The following VWA8 variants were observed in gnomAD, a reference collection of about 807,000 sequenced individuals.
VWA8 encodes von Willebrand factor A domain containing 8, also known as von Willebrand factor A domain-containing protein 8.
Under a neutral mutation model 241.5 loss-of-function variants are expected in VWA8, and 221 were observed. The ratio of observed to expected loss-of-function variants is 0.91; its 90% CI spans 0.82 to 1.02. The LOEUF is 1.02. Among genes scored for constraint, VWA8 ranks in the 50% least tolerant of loss-of-function variants. The probability of loss-of-function intolerance (pLI) is 0.00; values close to 1 mark genes in which losing one functional copy is unlikely to be tolerated. For synonymous variants in VWA8, 852 were observed against 827.1 expected (o/e 1.03, Z -0.52); for missense variants, 2,322 against 2,328.7 (o/e 1.00, Z 0.06).
intron 30 of VWA8, among the ~76,000 whole-genome samples, 190 bp from the exon 31 acceptor site, chr13:41,692,128 T>G (rs139599230): frequency 1.1e-3 from 164 of 152,216 alleles, no homozygotes; most frequent in African/African-American, 3.8e-3. Context: ...CAAAATTTAC[T>G]GTGAACTTTG....
chr13:41,643,562 A>T (rs2044810834), intron 37 of VWA8, among the ~76,000 whole-genome samples: 1 of 152,228 alleles, frequency 6.6e-6, no homozygotes, highest in Admixed American at 6.5e-5. Context: ...TTCCACTATT[A>T]ACAGGGCTTA....
chr13:41,660,901 G>T (rs1167580559), intron 37 of VWA8, among the ~76,000 whole-genome samples: 1 of 151,114 alleles, frequency 6.6e-6, no homozygotes, highest in African/African-American at 2.4e-5. Flanking sequence ...TTTTGAGACG[G>T]AGTCTCGCTC....
At chr13:41,615,914 C>A (rs541445485) in intron 37 of VWA8, among the ~76,000 whole-genome samples, 1 of 152,322 alleles carries the variant, frequency 6.6e-6, no homozygotes, top group African/African-American at 2.4e-5. Flanking sequence ...CATGAGCCTG[C>A]TCTCAGATGC....
At chr13:41,918,385 A>T (rs1274098371) in intron 2 of VWA8, among the ~76,000 whole-genome samples, 2 of 152,206 alleles carry the variant, frequency 1.3e-5, no homozygotes, top group Admixed American at 1.3e-4. Context: ...TGTATGAAAT[A>T]ATTATACATA....
At chr13:41,719,303 T>G in intron 26 of VWA8, 2 of 1,167,224 alleles carry the variant, frequency 1.7e-6, no homozygotes, top group East Asian at 9.8e-5. Context: ...GAAATAGTAA[T>G]ACGCATAGTA....
chr13:41,693,029 T>TTTTTA, intron 29 of VWA8, 57 bp from the exon 30 acceptor site: 1 of 1,045,278 alleles, frequency 9.6e-7, no homozygotes, highest in Non-Finnish European at 1.4e-6. Context: ...TTTTTTTTTT[T>TTTTTA]AAAGCAGCAA....
At chr13:41,715,320 C>T (rs1434907508) in intron 26 of VWA8, among the ~76,000 whole-genome samples, 1 of 151,790 alleles carries the variant, frequency 6.6e-6, no homozygotes, top group Admixed American at 6.6e-5. Flanking sequence ...ATTTACATTT[C>T]ATTGTTGATC....
intron 37 of VWA8, among the ~76,000 whole-genome samples, chr13:41,615,296 A>C (rs1031673937): frequency 2.0e-5 from 3 of 152,064 alleles, no homozygotes; most frequent in African/African-American, 7.2e-5. Context: ...TTTTTAAAAA[A>C]CTCTTAAAGA....
At chr13:41,932,200 T>C (rs1877156575) in intron 2 of VWA8, among the ~76,000 whole-genome samples, 1 of 152,090 alleles carries the variant, frequency 6.6e-6, no homozygotes, top group Admixed American at 6.5e-5. Context: ...TATGCTAATG[T>C]ATTCCACAAC....
intron 12 of VWA8, among the ~76,000 whole-genome samples, chr13:41,840,750 C>T (rs1278587709): frequency 2.7e-5 from 4 of 149,712 alleles, no homozygotes; most frequent in Non-Finnish European, 5.9e-5. Flanking sequence ...CAAAGTGAGA[C>T]CGTCTCAAAA....
At chr13:41,907,835 T>C in intron 3 of VWA8, 139 bp from the exon 4 acceptor site, 1 of 661,106 alleles carries the variant, frequency 1.5e-6, no homozygotes. Context: ...TTGTTGAATC[T>C]AAGTTTGAGA....
At chr13:41,685,263 A>AT (rs1193815328) in intron 34 of VWA8, 21 bp from the exon 35 acceptor site, 2 of 1,605,236 alleles carry the variant, frequency 1.2e-6, no homozygotes, top group Non-Finnish European at 1.7e-6. Context: ...GAAAGAGATT[A>AT]AAGTACTGAA....
intron 17 of VWA8, among the ~76,000 whole-genome samples, chr13:41,806,004 A>T (rs1321774472): frequency 4.7e-5 from 7 of 150,130 alleles, no homozygotes; most frequent in Non-Finnish European, 7.4e-5. Context: ...TCAAAAATAA[A>T]AAAAAAAAAA....
chr13:41,648,922 G>C (rs530198208), intron 37 of VWA8, among the ~76,000 whole-genome samples: 8 of 152,314 alleles, frequency 5.3e-5, no homozygotes, highest in African/African-American at 1.7e-4. Flanking sequence ...GGTGGCTCAT[G>C]CCTGTAATCC....
chr13:41,901,696 C>T (rs931992727), intron 4 of VWA8, among the ~76,000 whole-genome samples: 1 of 151,228 alleles, frequency 6.6e-6, no homozygotes, highest in Non-Finnish European at 1.5e-5. Context: ...AAAACCATGT[C>T]TCCATGAAAA....
chr13:41,578,323 A>T (rs910194976), intron 42 of VWA8, among the ~76,000 whole-genome samples: 1 of 152,152 alleles, frequency 6.6e-6, no homozygotes, highest in Non-Finnish European at 1.5e-5. Flanking sequence ...CATCTTCCAG[A>T]TGGGTTTGAG....
At chr13:41,778,768 T>C (rs1032638466) in intron 19 of VWA8, among the ~76,000 whole-genome samples, 2 of 152,004 alleles carry the variant, frequency 1.3e-5, no homozygotes, top group African/African-American at 4.8e-5. Context: ...CGTTCCCTAT[T>C]TGTAAAAAGG....
chr13:41,844,725 A>G (rs1462762882), intron 12 of VWA8, among the ~76,000 whole-genome samples: 2 of 152,146 alleles, frequency 1.3e-5, no homozygotes, highest in Non-Finnish European at 2.9e-5. Context: ...GATAACATTC[A>G]ACATCTAATG....
At chr13:41,765,975 G>A (rs79918139) in intron 20 of VWA8, among the ~76,000 whole-genome samples, 3,876 of 152,200 alleles carry the variant, frequency 0.025, 152 homozygotes, top group African/African-American at 0.088. Flanking sequence ...TCATGATGAC[G>A]TACTGGCCAG....
Sources: allele counts gnomAD v4.1 joint callset (sites outside exome capture counted in the v4.1 genomes callset), GRCh38; gene constraint gnomAD v4.1.1; transcripts MANE v1.5; gene names NCBI Gene and HGNC (gene_info 2026-07-23, HGNC 2026-07-21).